Variants in CDK15 observed in about 807,000 individuals in gnomAD.
CDK15 encodes the protein cyclin dependent kinase 15.
Under a neutral mutation model 60.3 loss-of-function variants are expected in CDK15, and 62 were observed. The observed-to-expected ratio is 1.03, with a 90% CI of 0.84 to 1.27. The LOEUF is 1.27. Ranked by LOEUF, CDK15 falls within the 50% of genes most tolerant of loss-of-function variation. CDK15 has a pLI of 0.00. For synonymous variants in CDK15, 194 were observed against 195.7 expected (o/e 0.99, Z 0.07); for missense variants, 541 against 527.8 (o/e 1.03, Z -0.25).
In CDK15 at chr2:201,850,558, C is replaced by T. The variant is rs76296730; in HGVS notation, c.945+3084C>T. Reference sequence around the variant, plus strand: ...AACGTGATGACTTTCTCACTTTGTCCGCAGAGCAAGAAACTATAGATGCAG... The same window carrying T: ...AACGTGATGACTTTCTCACTTTGTCTGCAGAGCAAGAAACTATAGATGCAG... On this transcript the variant is annotated intron_variant, in intron 9 of 13. Coordinates refer to ENST00000652192, the MANE Select transcript of CDK15 (RefSeq NM_001366386.2). Among the ~76,000 whole-genome samples the T allele has an allele frequency of 2.7e-3, 416 of 152,180 alleles. 1 individual carries two copies. The highest frequency in any genetic ancestry group is 9.3e-3 in the African/African-American group (388 of 41,502).
At chr2:201,837,418 G>A (rs1697156374) in intron 8 of CDK15, among the ~76,000 whole-genome samples, 1 of 106,870 alleles carries the variant, frequency 9.4e-6, no homozygotes, top group South Asian at 4.7e-4. Flanking sequence ...GGGAGGGAGG[G>A]AGGGAGGGAG....
At position 201,856,950 on chromosome 2, in the gene CDK15, G is replaced by A. The variant is rs915240243; in HGVS notation, c.1009+2013G>A. On this transcript the variant is annotated intron_variant, in intron 10 of 13. Transcript: ENST00000652192. The stretch of plus-strand genomic sequence containing the variant: ...TAAGATAACTGGGTTCCGGCCGGGC[G>A]CGGTGGCTCACGCCTGTAATCCCAG... Among the ~76,000 whole-genome samples, 5 of 49,830 alleles carry A rather than the reference G, an allele frequency of 1.0e-4. 2 individuals carry two copies. Among genetic ancestry groups the A allele is most frequent in the East Asian group, 6.6e-4 (2 of 3,034 alleles). 32.7% of individuals were successfully genotyped at this position (49,830 alleles called of 152,430 possible). A position where few individuals can be genotyped will look rare whatever the true frequency, so the allele number is the denominator to read the frequency against.
intron 4 of CDK15, among the ~76,000 whole-genome samples, chr2:201,820,489 A>T (rs915205735): frequency 6.6e-6 from 1 of 152,212 alleles, no homozygotes. Flanking sequence ...TATCAACCCT[A>T]TGAAGTAAGT....
chr2:201,832,635 G>T (rs943534766), intron 6 of CDK15, among the ~76,000 whole-genome samples: 1 of 152,198 alleles, frequency 6.6e-6, no homozygotes, highest in Non-Finnish European at 1.5e-5. Flanking sequence ...TACTTAAATG[G>T]TTTATGAACC....
At chr2:201,890,680 T>C in intron 12 of CDK15, 105 bp from the exon 13 acceptor site, 5 of 789,618 alleles carry the variant, frequency 6.3e-6, no homozygotes, top group Admixed American at 2.4e-5. Flanking sequence ...GTCTGGCTCA[T>C]GTTTTGACAT....
Position 201,819,637 on chromosome 2 carries a change from A to G in CDK15, c.449-3172A>G, listed in dbSNP as rs56128523. On this transcript the variant is annotated intron_variant, in intron 4 of 13. Transcript: ENST00000652192. ...TTTGCAATAATTCAGCCAACATATG[A>G]TAGTGGCTTGGTCCAGGGTGCTGGC... Among the ~76,000 whole-genome samples the G allele has an allele frequency of 6.1e-3, 931 of 152,300 alleles. 10 individuals are homozygous for G. The highest frequency in any genetic ancestry group is 0.021 in the African/African-American group (889 of 41,558).
rs1021353403 is a variant in CDK15 at position 201,806,860 on chromosome 2, C to T, written c.123+73C>T. 23 of 1,536,856 alleles carry T rather than the reference C, an allele frequency of 1.5e-5. No homozygotes were observed. In the African/African-American group the frequency reaches 2.2e-4, roughly 14 times the overall value. On this transcript the variant is annotated intron_variant, in intron 1 of 13. Coordinates refer to ENST00000652192, the MANE Select transcript of CDK15 (RefSeq NM_001366386.2). ...GAGTTCAGACACTCCCTTTTTGTAG[C>T]GGGATCTGATTCTTCTGCGGTAGGT...
At chr2:201,883,587 T>C (rs1186056175) in intron 12 of CDK15, among the ~76,000 whole-genome samples, 2 of 152,220 alleles carry the variant, frequency 1.3e-5, no homozygotes, top group Non-Finnish European at 2.9e-5. Context: ...ATGGCAAGCA[T>C]GTGGGAACTT....
At chr2:201,880,531 G>C (rs1011943724) in intron 12 of CDK15, among the ~76,000 whole-genome samples, 2 of 152,200 alleles carry the variant, frequency 1.3e-5, no homozygotes, top group Admixed American at 1.3e-4. Flanking sequence ...TTTCTAACAA[G>C]ACTCTTCTCC....
chr2:201,813,783 T>C (rs1695874848), intron 4 of CDK15, among the ~76,000 whole-genome samples: 1 of 152,210 alleles, frequency 6.6e-6, no homozygotes, highest in East Asian at 1.9e-4. Context: ...GATACCCTTT[T>C]CAAAAGTCTT....
chr2:201,883,978 C>T lies in CDK15; in HGVS notation c.1198+3811C>T, dbSNP rs150431626. ...GTAGTAGGAAATCATTAAGCTGCCCCTTCTTAAAACTGGCTCCGCTCTGTT... is the reference window on the plus strand; with the variant it reads ...GTAGTAGGAAATCATTAAGCTGCCCTTTCTTAAAACTGGCTCCGCTCTGTT... On this transcript the variant is annotated intron_variant, in intron 12 of 13. Coordinates refer to ENST00000652192, the MANE Select transcript of CDK15 (RefSeq NM_001366386.2). Among the ~76,000 whole-genome samples the T allele has an allele frequency of 3.0e-4, 45 of 152,322 alleles. No homozygotes were observed. The East Asian group carries it at 6.9e-3, about 23-fold the overall frequency.
chr2:201,846,787 A>AGT, intron 8 of CDK15, among the ~76,000 whole-genome samples: 1 of 152,310 alleles, frequency 6.6e-6, no homozygotes, highest in Middle Eastern at 3.4e-3. Flanking sequence ...TACATGGGTA[A>AGT]GTGTAGACAT....
intron 5 of CDK15, 75 bp from the exon 6 acceptor site, chr2:201,823,590 T>C (rs2105713192): frequency 7.8e-7 from 1 of 1,280,988 alleles, no homozygotes; most frequent in South Asian, 1.2e-5. Context: ...GACAGTCAAG[T>C]CAATGTTCTG....
At chr2:201,861,428 T>G (rs1698386236) in intron 10 of CDK15, 1 of 985,320 alleles carries the variant, frequency 1.0e-6, no homozygotes. Context: ...TCATGTTGTA[T>G]CCCTCTGTCT....
intron 9 of CDK15, among the ~76,000 whole-genome samples, chr2:201,848,434 T>A (rs1697764632): frequency 6.6e-6 from 1 of 152,160 alleles, no homozygotes; most frequent in South Asian, 2.1e-4. Flanking sequence ...AGTGTACAGC[T>A]TGTCAGCATT....
At chr2:201,809,895 A>G (rs535219950) in intron 3 of CDK15, among the ~76,000 whole-genome samples, 23 of 152,170 alleles carry the variant, frequency 1.5e-4, no homozygotes, top group Non-Finnish European at 2.9e-4. Flanking sequence ...CCTCGCCATC[A>G]GATTCCTGGT....
rs1696892650 is a variant in CDK15, at chr2:201,833,972, G to C, written c.730+1G>C. The stretch of plus-strand genomic sequence containing the variant: ...GGAGAGCTCAAACTGGCTGATTTTG[G>C]TAAGTCGCCCCTCGGGTCTCATTCT... On this transcript the variant is annotated splice_donor_variant, in intron 7 of 13. Transcript: ENST00000652192. LOFTEE classifies it high-confidence loss of function. 1 of 1,612,880 alleles carries C rather than the reference G, an allele frequency of 6.2e-7. No homozygotes were observed. The highest frequency in any genetic ancestry group is 8.5e-7 in the Non-Finnish European group (1 of 1,179,462).
chr2:201,823,832 A>G (rs746932148), intron 6 of CDK15, 105 bp downstream of exon 6: 2 of 895,640 alleles, frequency 2.2e-6, no homozygotes, highest in Non-Finnish European at 3.5e-6. Context: ...AAATAAGAGG[A>G]TGGACATCAC....
At chr2:201,853,972 C>T (rs959603721) in intron 9 of CDK15, among the ~76,000 whole-genome samples, 4 of 151,936 alleles carry the variant, frequency 2.6e-5, no homozygotes, top group East Asian at 1.9e-4. Flanking sequence ...CCATCCTGGC[C>T]AACACGGTGA....
Sources: gnomAD v4.1 joint callset for allele counts (sites outside exome capture counted in the v4.1 genomes callset) on GRCh38, gnomAD v4.1.1 for gene constraint, MANE v1.5 for transcripts, NCBI Gene and HGNC (gene_info 2026-07-23, HGNC 2026-07-21) for gene names.